Variants in MDFIC observed in about 807,000 individuals in gnomAD.
The protein encoded by MDFIC is myoD family inhibitor domain-containing protein.
A neutral mutation model predicts 23.2 loss-of-function variants in MDFIC; 17 were observed. The observed-to-expected ratio is 0.73, with a 90% CI of 0.50 to 1.10. The LOEUF (loss-of-function observed/expected upper bound fraction) is 1.10, where lower values mean the gene tolerates loss of function less well. Among genes scored for constraint, MDFIC ranks in the 50% least tolerant of loss-of-function variants. The pLI is 0.00. For synonymous variants in MDFIC, 120 were observed against 115.2 expected (o/e 1.04, Z -0.27); for missense variants, 356 against 316.6 (o/e 1.12, Z -0.95).
Position 114,922,319 on chromosome 7 carries a change from G to T in MDFIC, c.-425G>T. On this transcript the variant is annotated 5_prime_UTR_variant, in exon 1 of 5. Transcript: ENST00000393486. Reference sequence around the variant, plus strand: ...AGCAACAGAGGGAGAAGTGTTTCAGGATTGTAGGAGTGGAAGAGGGGAAAG... The same window carrying T: ...AGCAACAGAGGGAGAAGTGTTTCAGTATTGTAGGAGTGGAAGAGGGGAAAG... The T allele has an allele frequency of 1.0e-6, 1 of 987,580 alleles. No individual in the cohort carries two copies. The highest frequency in any genetic ancestry group is 1.3e-6 in the Non-Finnish European group (1 of 765,546). The allele number at this position is 987,580 out of a possible 1,614,324, so 61.2% of individuals were successfully genotyped here.
rs141281738 is a variant in MDFIC, at chr7:114,953,834, A to G, written c.217+11437A>G. Among the ~76,000 whole-genome samples, 718 of 152,322 alleles carry G rather than the reference A, an allele frequency of 4.7e-3. 5 individuals carry two copies. Among genetic ancestry groups the G allele is most frequent in the African/African-American group, 0.016 (650 of 41,574 alleles). On this transcript the variant is annotated intron_variant, in intron 3 of 4. Coordinates refer to ENST00000393486, the MANE Select transcript of MDFIC (RefSeq NM_001166345.3). ...TACATTACTTATAATACCTAATACA[A>G]TGTAAATGCTATGTAAATAGTTGTT... is the stretch of plus-strand genomic sequence containing the variant.
intron 4 of MDFIC, among the ~76,000 whole-genome samples, chr7:114,981,820 A>C (rs1188579873): frequency 6.6e-6 from 1 of 152,174 alleles, no homozygotes; most frequent in African/African-American, 2.4e-5. Flanking sequence ...GTTAGTATTT[A>C]AGGTTGTGCC....
chr7:114,984,642 G>A (rs927637645), intron 4 of MDFIC, among the ~76,000 whole-genome samples: 2 of 152,108 alleles, frequency 1.3e-5, no homozygotes, highest in Non-Finnish European at 2.9e-5. Flanking sequence ...CATCACCCAG[G>A]TGGAGAGTTT....
intron 4 of MDFIC, among the ~76,000 whole-genome samples, chr7:114,986,050 A>G (rs1048955097): frequency 2.4e-5 from 3 of 125,250 alleles, no homozygotes; most frequent in Non-Finnish European, 5.0e-5. Flanking sequence ...TTTTTTTTGT[A>G]CATTAATAAT....
rs1465571519 is a variant in MDFIC, at chr7:114,984,592, A to G, written c.493+4811A>G. ...ATTTGTAGATTTCTACTTGTTTTGT[A>G]TAATTAAATATTTTCATACATACTT... On this transcript the variant is annotated intron_variant, in intron 4 of 4. Transcript: ENST00000393486. 2.0e-5 allele frequency among the ~76,000 whole-genome samples: 3 copies of G among 152,196 alleles called. No individual in the cohort carries two copies. The East Asian group carries it at 5.8e-4, about 29-fold the overall frequency.
At chr7:115,006,643 T>G (rs1169331485) in intron 4 of MDFIC, among the ~76,000 whole-genome samples, 1 of 152,222 alleles carries the variant, frequency 6.6e-6, no homozygotes, top group Non-Finnish European at 1.5e-5. Flanking sequence ...AGAAAATATA[T>G]TAAGCATTTG....
chr7:114,922,708 C>A lies in MDFIC; in HGVS notation c.-108+72C>A. The A allele has an allele frequency of 4.4e-6, 6 of 1,362,968 alleles. No individual in the cohort carries two copies. In the South Asian group the frequency reaches 7.2e-5, roughly 16 times the overall value. The allele number at this position is 1,362,968 out of a possible 1,614,324, so 84.4% of individuals were successfully genotyped here. Reference sequence around the variant, plus strand: ...TCCCCGGGGTTCTCCCAAACCCGATCTCTCTTTCCAGCCCCTCCCCGCTGG... The same window carrying A: ...TCCCCGGGGTTCTCCCAAACCCGATATCTCTTTCCAGCCCCTCCCCGCTGG... On this transcript the variant is annotated intron_variant, in intron 1 of 4. Coordinates refer to ENST00000393486, the MANE Select transcript of MDFIC (RefSeq NM_001166345.3).
rs1792109990 is a variant in MDFIC at position 114,922,751 on chromosome 7, G to T, written c.-108+115G>T. On this transcript the variant is annotated intron_variant, in intron 1 of 4. Coordinates refer to ENST00000393486, the MANE Select transcript of MDFIC (RefSeq NM_001166345.3). ...CCCGCTGGGTCCACCTCGGACCCCT[G>T]GGACCCCGCCGCTGTCAACTTGCGC... 15 of 1,307,490 alleles carry T rather than the reference G, an allele frequency of 1.1e-5. No homozygotes were observed. The South Asian group carries it at 2.4e-4, about 21-fold the overall frequency. The allele number at this position is 1,307,490 out of a possible 1,614,324, so 81.0% of individuals were successfully genotyped here. A position where few individuals can be genotyped will look rare whatever the true frequency, so the allele number is the denominator to read the frequency against.
chr7:114,928,703 C>T (rs545851238), intron 2 of MDFIC, among the ~76,000 whole-genome samples: 7 of 152,224 alleles, frequency 4.6e-5, no homozygotes, highest in African/African-American at 1.7e-4. Context: ...AGTTGGTGAC[C>T]ACTGAAGTCT....
At chr7:114,954,293 A>G (rs1055084840) in intron 3 of MDFIC, among the ~76,000 whole-genome samples, 5 of 152,210 alleles carry the variant, frequency 3.3e-5, no homozygotes, top group African/African-American at 1.2e-4. Flanking sequence ...CCCTTGTAAT[A>G]TCTTATCCGC....
chr7:115,009,413 A>C (rs967182102), intron 4 of MDFIC, among the ~76,000 whole-genome samples: 2 of 152,198 alleles, frequency 1.3e-5, no homozygotes, highest in African/African-American at 2.4e-5. Context: ...AGCTGAGTTT[A>C]TTTTGTAAAT....
intron 2 of MDFIC, among the ~76,000 whole-genome samples, chr7:114,941,602 C>T (rs1792541478): frequency 6.6e-6 from 1 of 152,122 alleles, no homozygotes; most frequent in Non-Finnish European, 1.5e-5. Flanking sequence ...CTTTTTAGTG[C>T]TCTGGACCTC....
chr7:115,000,188 A>T (rs911212275), intron 4 of MDFIC, among the ~76,000 whole-genome samples: 6 of 152,244 alleles, frequency 3.9e-5, no homozygotes, highest in African/African-American at 2.4e-5. Context: ...GTTTACATAT[A>T]CAAATACTTA....
At chr7:114,983,638 G>T (rs1793456794) in intron 4 of MDFIC, among the ~76,000 whole-genome samples, 1 of 145,050 alleles carries the variant, frequency 6.9e-6, no homozygotes, top group African/African-American at 2.6e-5. Flanking sequence ...TGCGATCTCG[G>T]CTCAATGCAA....
In MDFIC at chr7:114,979,557, G is replaced by A; in HGVS notation, c.269G>A (p.Gly90Asp). 6.2e-7 allele frequency: 1 copy of A among 1,613,992 alleles called. No individual in the cohort carries two copies. Among genetic ancestry groups the A allele is most frequent in the Non-Finnish European group, 8.5e-7 (1 of 1,179,924 alleles). The change falls in exon 4 of 5, where the codon GGT (glycine) becomes GAT (aspartate). Residue 90 changes from glycine to aspartate, a missense_variant. Physicochemically the swap from Gly to Asp is moderately conservative, Grantham distance 94. Transcript: ENST00000393486. ...QLQTSAQVPS[G>D]EEIGKIKNGH... ...CAGACTTCAGCCCAGGTGCCAAGTG[G>A]TGAGGAAATAGGCAAGATAAAGAAC...
chr7:114,923,903 T>C (rs1314540108), intron 2 of MDFIC, among the ~76,000 whole-genome samples: 2 of 152,236 alleles, frequency 1.3e-5, no homozygotes, highest in Non-Finnish European at 2.9e-5. Context: ...ATATCAGAAC[T>C]AAGTAATTTT....
intron 3 of MDFIC, among the ~76,000 whole-genome samples, chr7:114,947,294 C>T (rs929257042): frequency 1.3e-5 from 2 of 152,170 alleles, no homozygotes; most frequent in Admixed American, 1.3e-4. Context: ...TTGCCTTGCT[C>T]AATGTCTTTT....
At chr7:115,006,498 GTTTAAGT>G (rs1466327218) in intron 4 of MDFIC, among the ~76,000 whole-genome samples, 1 of 152,070 alleles carries the variant, frequency 6.6e-6, no homozygotes, top group Non-Finnish European at 1.5e-5. Context: ...GTACATTATG[GTTTAAGT>G]TTTGTTAGCA....
chr7:114,928,532 G>C (rs1792241209), intron 2 of MDFIC, among the ~76,000 whole-genome samples: 1 of 152,178 alleles, frequency 6.6e-6, no homozygotes, highest in Admixed American at 6.5e-5. Flanking sequence ...GGAGATAAGT[G>C]GTAGAAAACA....
Sources: gnomAD v4.1 joint callset for allele counts (sites outside exome capture counted in the v4.1 genomes callset) on GRCh38, gnomAD v4.1.1 for gene constraint, MANE v1.5 for transcripts, NCBI Gene and HGNC (gene_info 2026-07-23, HGNC 2026-07-21) for gene names.